The following GRM7 variants were observed in gnomAD, a reference collection of about 807,000 sequenced individuals.
The protein encoded by GRM7 is glutamate metabotropic receptor 7.
GRM7 carries 35 observed loss-of-function variants against 84.5 expected under a neutral mutation model. The ratio of observed to expected loss-of-function variants is 0.41; its 90% CI spans 0.32 to 0.55. The LOEUF (loss-of-function observed/expected upper bound fraction) is 0.55, where lower values mean the gene tolerates loss of function less well. Among genes scored for constraint, GRM7 ranks in the 20% least tolerant of loss-of-function variants. The pLI is 0.19. For missense variants in GRM7, 1,003 were observed against 1,194.6 expected (o/e 0.84, Z 2.36); for synonymous variants, 487 against 455.1 (o/e 1.07, Z -0.89).
At chr3:7,376,212 T>C (rs919791525) in intron 4 of GRM7, among the ~76,000 whole-genome samples, 1 of 152,204 alleles carries the variant, frequency 6.6e-6, no homozygotes, top group Non-Finnish European at 1.5e-5. Flanking sequence ...GCTGACTGCA[T>C]GTTTCTCACC....
At chr3:7,349,152 C>T (rs1170109824) in intron 4 of GRM7, among the ~76,000 whole-genome samples, 2 of 152,034 alleles carry the variant, frequency 1.3e-5, no homozygotes, top group Non-Finnish European at 2.9e-5. Context: ...CAGTCGATTT[C>T]TGTGCTTCTG....
intron 8 of GRM7, among the ~76,000 whole-genome samples, chr3:7,622,104 G>A (rs151183893): frequency 3.9e-5 from 6 of 152,126 alleles, no homozygotes; most frequent in Non-Finnish European, 8.8e-5. Context: ...AAGGCAAAAT[G>A]ATTTACCCAA....
chr3:7,593,174 C>T (rs570231067), intron 8 of GRM7, among the ~76,000 whole-genome samples: 1 of 152,276 alleles, frequency 6.6e-6, no homozygotes, highest in South Asian at 2.1e-4. Flanking sequence ...ATTGCCTCAC[C>T]AAATTTCTCC....
intron 1 of GRM7, among the ~76,000 whole-genome samples, chr3:6,986,798 A>C (rs1694428181): frequency 6.6e-6 from 1 of 151,978 alleles, no homozygotes; most frequent in Non-Finnish European, 1.5e-5. Flanking sequence ...TCTCAGCCCC[A>C]CCAGCACTCT....
intron 2 of GRM7, among the ~76,000 whole-genome samples, chr3:7,264,912 T>C (rs867509947): frequency 1.3e-5 from 2 of 152,226 alleles, no homozygotes; most frequent in Admixed American, 6.5e-5. Flanking sequence ...TGAGAGTCAA[T>C]GAAAGTTGCA....
chr3:7,100,090 G>C (rs1014652167), intron 1 of GRM7, among the ~76,000 whole-genome samples: 3 of 150,852 alleles, frequency 2.0e-5, no homozygotes, highest in African/African-American at 7.3e-5. Flanking sequence ...GAAGATCGTA[G>C]GCACTGACTC....
At chr3:7,497,788 T>C (rs1699756736) in intron 7 of GRM7, among the ~76,000 whole-genome samples, 1 of 152,216 alleles carries the variant, frequency 6.6e-6, no homozygotes, top group African/African-American at 2.4e-5. Context: ...CTCTGTAGCC[T>C]GGGCAAAGGT....
At chr3:6,972,421 T>C (rs1168593000) in intron 1 of GRM7, among the ~76,000 whole-genome samples, 1 of 152,196 alleles carries the variant, frequency 6.6e-6, no homozygotes, top group Admixed American at 6.5e-5. Flanking sequence ...GAAAATGTCT[T>C]TCTTGCAGGG....
intron 2 of GRM7, among the ~76,000 whole-genome samples, chr3:7,249,296 CT>C (rs1697890901): frequency 6.6e-6 from 1 of 152,226 alleles, no homozygotes; most frequent in South Asian, 2.1e-4. Context: ...CAAAAGGACC[CT>C]AGAGTATATA....
chr3:7,652,278 G>T (rs1011579146), intron 8 of GRM7, among the ~76,000 whole-genome samples: 1 of 152,210 alleles, frequency 6.6e-6, no homozygotes, highest in East Asian at 1.9e-4. Flanking sequence ...GGGACATGTG[G>T]TCATTCTACT....
At chr3:7,182,435 G>A (rs548433831) in intron 2 of GRM7, among the ~76,000 whole-genome samples, 9 of 152,084 alleles carry the variant, frequency 5.9e-5, no homozygotes, top group African/African-American at 2.2e-4. Context: ...TTTGGGAGAC[G>A]ATTGTATTTT....
intron 8 of GRM7, among the ~76,000 whole-genome samples, chr3:7,585,720 G>A (rs1409675495): frequency 6.6e-6 from 1 of 152,112 alleles, no homozygotes; most frequent in Admixed American, 6.5e-5. Context: ...GAGAGACACA[G>A]CCACAGGGAC....
intron 8 of GRM7, among the ~76,000 whole-genome samples, chr3:7,651,490 C>G (rs1366407121): frequency 6.6e-6 from 1 of 152,116 alleles, no homozygotes; most frequent in Non-Finnish European, 1.5e-5. Flanking sequence ...CTCGGGCAAA[C>G]TGGCAAAGCT....
intron 4 of GRM7, among the ~76,000 whole-genome samples, chr3:7,389,902 T>C (rs941793240): frequency 2.0e-5 from 3 of 152,124 alleles, no homozygotes; most frequent in Non-Finnish European, 4.4e-5. Context: ...TTAGTACTTG[T>C]TTCATAGCAT....
At chr3:7,736,655 G>A (rs575711278) in intron 9 of GRM7, among the ~76,000 whole-genome samples, 34 of 152,272 alleles carry the variant, frequency 2.2e-4, no homozygotes, top group African/African-American at 7.7e-4. Context: ...ACTATGGGGG[G>A]ATGGGGAAGA....
intron 1 of GRM7, among the ~76,000 whole-genome samples, chr3:6,937,042 G>T (rs1382223990): frequency 1.3e-5 from 2 of 152,020 alleles, no homozygotes; most frequent in Non-Finnish European, 2.9e-5. Context: ...ATTATTTAGG[G>T]GTATAATGTA....
At chr3:7,168,105 G>T (rs1694864979) in intron 2 of GRM7, among the ~76,000 whole-genome samples, 1 of 149,778 alleles carries the variant, frequency 6.7e-6, no homozygotes, top group African/African-American at 2.4e-5. Flanking sequence ...GGATATCTGT[G>T]TGCTAAGCAG....
In GRM7 at chr3:7,306,623, C is replaced by T; in HGVS notation, c.1004C>T (p.Thr335Ile). The T allele has an allele frequency of 1.4e-5, 23 of 1,610,474 alleles. No individual in the cohort carries two copies. Among genetic ancestry groups the T allele is most frequent in the Non-Finnish European group, 2.0e-5 (23 of 1,178,192 alleles). Residue 335 changes from threonine to isoleucine, a missense_variant, in exon 4 of 10, where the codon ACC (threonine) becomes ATC (isoleucine). By Grantham distance (89) the Thr-to-Ile change is moderately conservative (BLOSUM62 -1). Transcript: ENST00000357716. Reference sequence around the variant, plus strand: ...GAAGATATCGCAGAAGGGGCCATCACCATTCAGCCCAAGCGAGCCACGGTG... The same window carrying T: ...GAAGATATCGCAGAAGGGGCCATCATCATTCAGCCCAAGCGAGCCACGGTG... ...QHEDIAEGAI[T>I]IQPKRATVEG...
intron 7 of GRM7, among the ~76,000 whole-genome samples, chr3:7,470,740 G>A (rs1341051566): frequency 6.6e-6 from 1 of 152,072 alleles, no homozygotes; most frequent in East Asian, 1.9e-4. Flanking sequence ...AATACAACAA[G>A]ATAAATGAGT....
Sources: allele counts gnomAD v4.1 joint callset (sites outside exome capture counted in the v4.1 genomes callset), GRCh38; gene constraint gnomAD v4.1.1; transcripts MANE v1.5; gene names NCBI Gene and HGNC (gene_info 2026-07-23, HGNC 2026-07-21).